INTS9: variants seen among roughly 807,000 people sequenced by gnomAD.
INTS9 encodes the protein protein related to CPSF subunits of 74 kDa.
In INTS9, 55 loss-of-function variants were observed where a neutral mutation model predicts 79.7. The ratio of observed to expected loss-of-function variants is 0.69; its 90% CI spans 0.56 to 0.86. The LOEUF (loss-of-function observed/expected upper bound fraction) is 0.86, where lower values mean the gene tolerates loss of function less well. INTS9 is among the 40% of genes least tolerant of loss of function. INTS9 has a pLI of 0.00. For missense variants in INTS9, 721 were observed against 831.5 expected (o/e 0.87, Z 1.64); for synonymous variants, 319 against 325.2 (o/e 0.98, Z 0.20).
intron 1 of INTS9, among the ~76,000 whole-genome samples, chr8:28,882,109 C>A (rs28658155): frequency 0.012 from 1,530 of 124,888 alleles, 21 homozygotes; most frequent in African/African-American, 0.044. Flanking sequence ...GTTCTGTACT[C>A]AGAAAAATTC....
intron 1 of INTS9, among the ~76,000 whole-genome samples, chr8:28,864,389 A>G (rs1808624570): frequency 6.6e-6 from 1 of 152,238 alleles, no homozygotes; most frequent in Admixed American, 6.5e-5. Context: ...ATTCAAGATT[A>G]TATTTCAGGA....
chr8:28,804,651 A>G (rs1409287965), intron 8 of INTS9, among the ~76,000 whole-genome samples: 1 of 152,198 alleles, frequency 6.6e-6, no homozygotes, highest in African/African-American at 2.4e-5. Context: ...AAGCAAGAAG[A>G]GCTCACAGGG....
At chr8:28,823,354 G>A (rs1472321158) in intron 6 of INTS9, among the ~76,000 whole-genome samples, 3 of 151,856 alleles carry the variant, frequency 2.0e-5, no homozygotes, top group African/African-American at 7.3e-5. Context: ...GAAAGGGAAT[G>A]GAGTTCGAGA....
chr8:28,770,338 G>A lies in INTS9; in HGVS notation c.1663-312C>T, dbSNP rs527673003. On this transcript the variant is annotated intron_variant, in intron 15 of 16. Coordinates refer to ENST00000521022, the MANE Select transcript of INTS9 (RefSeq NM_018250.4). ...TAAATTCTCCAGAATACACTGTGTCGTGCTGCAGGTACATCATGACCCCGT... is the reference window on the plus strand; with the variant it reads ...TAAATTCTCCAGAATACACTGTGTCATGCTGCAGGTACATCATGACCCCGT... Among the ~76,000 whole-genome samples, 5 of 152,284 alleles carry A rather than the reference G, an allele frequency of 3.3e-5. No homozygotes were observed. The East Asian group carries it at 9.6e-4, about 29-fold the overall frequency.
At chr8:28,849,925 T>G (rs1459622341) in intron 3 of INTS9, 1 of 285,864 alleles carries the variant, frequency 3.5e-6, no homozygotes, top group Non-Finnish European at 6.4e-6. Context: ...ATTGCAATTC[T>G]AGAAATAATA....
At chr8:28,816,422 C>T (rs1460263731) in intron 6 of INTS9, among the ~76,000 whole-genome samples, 1 of 150,688 alleles carries the variant, frequency 6.6e-6, no homozygotes, top group East Asian at 2.0e-4. Flanking sequence ...TTTGTTCTTG[C>T]GATAGTTTAC....
chr8:28,884,762 AAAAC>A (rs1191168428), intron 1 of INTS9, among the ~76,000 whole-genome samples: 1 of 152,248 alleles, frequency 6.6e-6, no homozygotes, highest in Non-Finnish European at 1.5e-5. Context: ...CCAGCAAAGA[AAAAC>A]AGAAAAGACA....
At chr8:28,885,050 T>A (rs1810111107) in intron 1 of INTS9, among the ~76,000 whole-genome samples, 1 of 152,198 alleles carries the variant, frequency 6.6e-6, no homozygotes, top group Non-Finnish European at 1.5e-5. Flanking sequence ...TAATCTACAA[T>A]TGCACTCGGT....
chr8:28,813,637 T>C, intron 6 of INTS9, 25 bp from the exon 7 acceptor site: 1 of 1,610,198 alleles, frequency 6.2e-7, no homozygotes, highest in East Asian at 2.2e-5. Context: ...CAATGTCAAC[T>C]ACCAGGTGAA....
chr8:28,889,638 C>T (rs1342578694), intron 1 of INTS9, among the ~76,000 whole-genome samples: 2 of 152,084 alleles, frequency 1.3e-5, no homozygotes, highest in African/African-American at 2.4e-5. Flanking sequence ...AACCTCTTGT[C>T]TGAACAAAAA....
At chr8:28,810,995 T>TA (rs1327869410) in intron 8 of INTS9, among the ~76,000 whole-genome samples, 1 of 152,248 alleles carries the variant, frequency 6.6e-6, no homozygotes, top group African/African-American at 2.4e-5. Context: ...GTGACCACAA[T>TA]AGCCTTCTCT....
intron 9 of INTS9, 22 bp downstream of exon 9, chr8:28,796,522 A>T (rs1375430323): frequency 7.7e-7 from 1 of 1,296,046 alleles, no homozygotes; most frequent in South Asian, 1.2e-5. Context: ...CATCCAACGT[A>T]AGATGAGAGA....
intron 1 of INTS9, among the ~76,000 whole-genome samples, chr8:28,879,235 A>C (rs952816721): frequency 1.3e-5 from 2 of 152,232 alleles, no homozygotes; most frequent in African/African-American, 4.8e-5. Flanking sequence ...CACCATGATC[A>C]AGTGGAATTT....
chr8:28,781,620 G>C (rs749619474), intron 11 of INTS9, among the ~76,000 whole-genome samples: 2 of 152,156 alleles, frequency 1.3e-5, no homozygotes, highest in African/African-American at 2.4e-5. Context: ...AAAAAGAAAT[G>C]AGCTGCCAAG....
intron 6 of INTS9, among the ~76,000 whole-genome samples, chr8:28,825,729 C>T (rs980049957): frequency 1.3e-5 from 2 of 152,326 alleles, no homozygotes; most frequent in East Asian, 1.9e-4. Flanking sequence ...GTACTAGCAG[C>T]GTTCTGACCA....
chr8:28,865,441 C>T (rs1808686245), intron 1 of INTS9, among the ~76,000 whole-genome samples: 3 of 150,262 alleles, frequency 2.0e-5, no homozygotes, highest in Non-Finnish European at 4.4e-5. Context: ...CACTGCACTC[C>T]AGCCTGGGCA....
At chr8:28,807,087 AGAT>A (rs879553465) in intron 8 of INTS9, among the ~76,000 whole-genome samples, 6 of 152,204 alleles carry the variant, frequency 3.9e-5, no homozygotes, top group Admixed American at 1.3e-4. Flanking sequence ...AGTCTGATCA[AGAT>A]GATGATGAAA....
intron 1 of INTS9, among the ~76,000 whole-genome samples, chr8:28,868,335 T>G (rs927334346): frequency 6.6e-6 from 1 of 152,230 alleles, no homozygotes; most frequent in Non-Finnish European, 1.5e-5. Flanking sequence ...GTAAAGTAGT[T>G]CTGCTGTTGA....
intron 10 of INTS9, 25 bp from the exon 11 acceptor site, chr8:28,787,914 G>T: frequency 6.4e-7 from 1 of 1,560,666 alleles, no homozygotes; most frequent in Non-Finnish European, 8.8e-7. Flanking sequence ...AAACACATCA[G>T]CATGTGAGGA....
Sources: gnomAD v4.1 joint callset for allele counts (sites outside exome capture counted in the v4.1 genomes callset) on GRCh38, gnomAD v4.1.1 for gene constraint, MANE v1.5 for transcripts, NCBI Gene and HGNC (gene_info 2026-07-23, HGNC 2026-07-21) for gene names.